Variants in FSTL5 observed in about 807,000 individuals in gnomAD.
The protein encoded by FSTL5 is follistatin like 5.
A neutral mutation model predicts 89.1 loss-of-function variants in FSTL5; 62 were observed. The observed-to-expected ratio is 0.70, with a 90% CI of 0.57 to 0.86. The LOEUF (loss-of-function observed/expected upper bound fraction) is 0.86, where lower values mean the gene tolerates loss of function less well. FSTL5 is among the 40% of genes least tolerant of loss of function. The pLI is 0.00. For synonymous variants in FSTL5, 383 were observed against 346.2 expected, an observed-to-expected ratio of 1.11 and a Z score of -1.18; for missense variants, 1,057 against 1,001.6, an observed-to-expected ratio of 1.06 and a Z score of -0.75.
At chr4:161,673,109 G>T (rs745678254) in intron 6 of FSTL5, among the ~76,000 whole-genome samples, 4 of 151,884 alleles carry the variant, frequency 2.6e-5, no homozygotes, top group Non-Finnish European at 5.9e-5. Context: ...TAACTCAGTG[G>T]GAAAAATGCT....
At chr4:161,980,347 G>T (rs1735791692) in intron 3 of FSTL5, among the ~76,000 whole-genome samples, 1 of 152,080 alleles carries the variant, frequency 6.6e-6, no homozygotes, top group South Asian at 2.1e-4. Context: ...TCAAGAGACG[G>T]AAGGATTTGA....
chr4:161,817,950 G>C (rs892185828), intron 4 of FSTL5, among the ~76,000 whole-genome samples: 3 of 152,178 alleles, frequency 2.0e-5, no homozygotes, highest in Admixed American at 1.3e-4. Flanking sequence ...TCCCTGGCTC[G>C]GGGTCCACCC....
chr4:162,058,063 T>C (rs1177434997), intron 2 of FSTL5, among the ~76,000 whole-genome samples: 1 of 151,840 alleles, frequency 6.6e-6, no homozygotes, highest in Non-Finnish European at 1.5e-5. Flanking sequence ...AGTATCTAAT[T>C]AATTACATGT....
intron 7 of FSTL5, among the ~76,000 whole-genome samples, chr4:161,613,824 CCTAAAT>C (rs1734742496): frequency 6.6e-6 from 1 of 152,052 alleles, no homozygotes; most frequent in African/African-American, 2.4e-5. Flanking sequence ...AAAAAAAGTA[CCTAAAT>C]CTAAAAGTCA....
chr4:161,652,365 T>C (rs1257302689), intron 7 of FSTL5, among the ~76,000 whole-genome samples: 1 of 151,760 alleles, frequency 6.6e-6, no homozygotes, highest in African/African-American at 2.4e-5. Flanking sequence ...AGCCCAGGAG[T>C]TCAAGGCTAC....
intron 7 of FSTL5, among the ~76,000 whole-genome samples, chr4:161,645,528 T>A (rs1262082204): frequency 2.0e-5 from 3 of 152,154 alleles, no homozygotes; most frequent in African/African-American, 7.2e-5. Flanking sequence ...TATGCAGTAC[T>A]CTAATAAATC....
At chr4:161,589,834 C>A (rs1350340913) in intron 7 of FSTL5, among the ~76,000 whole-genome samples, 3 of 151,924 alleles carry the variant, frequency 2.0e-5, no homozygotes, top group Non-Finnish European at 4.4e-5. Flanking sequence ...GAATGCTCAG[C>A]AGAGATGTGT....
intron 4 of FSTL5, among the ~76,000 whole-genome samples, chr4:161,890,917 C>CTG (rs1732968162): frequency 6.6e-6 from 1 of 151,992 alleles, no homozygotes; most frequent in Non-Finnish European, 1.5e-5. Flanking sequence ...AAATTATATA[C>CTG]TGTCTCTAAC....
intron 6 of FSTL5, among the ~76,000 whole-genome samples, chr4:161,719,694 C>T (rs1388823813): frequency 2.0e-5 from 3 of 150,322 alleles, no homozygotes; most frequent in Non-Finnish European, 4.4e-5. Context: ...AAGTCCTTCA[C>T]CTCCTTGGTT....
At chr4:161,638,267 T>C (rs1735805077) in intron 7 of FSTL5, among the ~76,000 whole-genome samples, 3 of 151,646 alleles carry the variant, frequency 2.0e-5, no homozygotes, top group African/African-American at 4.9e-5. Context: ...TCTCTGTTTG[T>C]CTGTTGTTGG....
chr4:161,428,795 T>A (rs1732251947), intron 15 of FSTL5, among the ~76,000 whole-genome samples: 1 of 152,068 alleles, frequency 6.6e-6, no homozygotes, highest in African/African-American at 2.4e-5. Context: ...CGAAGCACAT[T>A]CCCAGCTGTG....
intron 2 of FSTL5, among the ~76,000 whole-genome samples, chr4:162,102,619 A>AATATTTATAACATATATAAATATGT (rs1308726849): frequency 1.2e-4 from 17 of 146,258 alleles, no homozygotes; most frequent in South Asian, 4.2e-4. Flanking sequence ...TTATATATAA[A>AATATTTATAACATATATAAATATGT]ATATTTATAA....
chr4:161,918,363 C>T (rs1158750434), intron 4 of FSTL5, among the ~76,000 whole-genome samples: 5 of 152,072 alleles, frequency 3.3e-5, no homozygotes, highest in East Asian at 1.9e-4. Flanking sequence ...CTGGAAAATA[C>T]GCTAAACTTT....
intron 15 of FSTL5, among the ~76,000 whole-genome samples, chr4:161,454,793 CCT>C (rs745546950): frequency 1.4e-4 from 21 of 152,164 alleles, no homozygotes; most frequent in Non-Finnish European, 2.8e-4. Context: ...CAAATTCACA[CCT>C]CTGTTAGGCA....
chr4:161,682,879 T>C (rs1474577655), intron 6 of FSTL5, among the ~76,000 whole-genome samples: 4 of 152,084 alleles, frequency 2.6e-5, no homozygotes, highest in South Asian at 2.1e-4. Context: ...CCCAAGTAGC[T>C]AGGATTACAG....
chr4:161,614,465 T>C (rs1266398379), intron 7 of FSTL5, among the ~76,000 whole-genome samples: 2 of 152,112 alleles, frequency 1.3e-5, no homozygotes, highest in Non-Finnish European at 2.9e-5. Context: ...ATCAGAAGTA[T>C]GAAAAGTAAT....
chr4:161,866,155 T>C (rs1165621765), intron 4 of FSTL5, among the ~76,000 whole-genome samples: 2 of 152,192 alleles, frequency 1.3e-5, no homozygotes, highest in South Asian at 2.1e-4. Flanking sequence ...AAAATTACAC[T>C]CCAGACCCAA....
chr4:161,729,385 C>T (rs935676509), intron 6 of FSTL5, among the ~76,000 whole-genome samples: 2 of 152,092 alleles, frequency 1.3e-5, no homozygotes, highest in Admixed American at 6.6e-5. Context: ...GACCAAAATG[C>T]ATAGGCAGAT....
intron 15 of FSTL5, among the ~76,000 whole-genome samples, chr4:161,449,525 C>A (rs1319684833): frequency 5.3e-5 from 8 of 152,122 alleles, no homozygotes; most frequent in African/African-American, 1.9e-4. Context: ...TCTTATTACT[C>A]ACAGGCCTAG....
Sources: gnomAD v4.1 joint callset for allele counts (sites outside exome capture counted in the v4.1 genomes callset) on GRCh38, gnomAD v4.1.1 for gene constraint, MANE v1.5 for transcripts, NCBI Gene and HGNC (gene_info 2026-07-23, HGNC 2026-07-21) for gene names.